RNF152: variants seen among roughly 807,000 people sequenced by gnomAD.
RNF152 encodes the protein E3 ubiquitin-protein ligase RNF152.
A neutral mutation model predicts 12.7 loss-of-function variants in RNF152; 11 were observed. The observed-to-expected ratio is 0.86, with a 90% confidence interval of 0.54 to 1.43. RNF152 has a LOEUF of 1.43. RNF152 is among the 40% of genes most tolerant of loss of function. RNF152 has a pLI of 0.00. For missense variants in RNF152, 255 were observed against 274.8 expected, an observed-to-expected ratio of 0.93 and a Z score of 0.51; for synonymous variants, 113 against 120.3, an observed-to-expected ratio of 0.94 and a Z score of 0.40.
rs762167768 is a variant in RNF152 at position 61,815,112 on chromosome 18, C to T, written c.*740G>A. ...TTTTGTGAGATGGCTTGAGGAAAAT[C>T]GGCATACAGGTTTTCCCATGGGATT... On this transcript the variant is annotated 3_prime_UTR_variant, in exon 2 of 2. Transcript: ENST00000312828. 5.2e-5 allele frequency: 8 copies of T among 152,540 alleles called. No individual in the cohort carries two copies. Among genetic ancestry groups the T allele is most frequent in the Non-Finnish European group, 1.0e-4 (7 of 68,034 alleles). 9.4% of individuals were successfully genotyped at this position (152,540 alleles called of 1,614,324 possible).
chr18:61,834,014 CTCAA>C (rs926817886), intron 1 of RNF152, among the ~76,000 whole-genome samples: 5 of 152,226 alleles, frequency 3.3e-5, no homozygotes, highest in African/African-American at 1.2e-4. Context: ...TCGTCATTCA[CTCAA>C]TCAACCATCC....
chr18:61,850,816 A>T (rs1309002876), intron 1 of RNF152, among the ~76,000 whole-genome samples: 1 of 152,178 alleles, frequency 6.6e-6, no homozygotes, highest in African/African-American at 2.4e-5. Flanking sequence ...CCTACCTTGC[A>T]GCCTCCCCCT....
Position 61,821,471 on chromosome 18 carries a change from A to G in RNF152, c.-135-4873T>C, listed in dbSNP as rs139398704. 6.4e-4 allele frequency among the ~76,000 whole-genome samples: 98 copies of G among 152,344 alleles called. No individual in the cohort carries two copies. The East Asian group carries it at 0.015, about 24-fold the overall frequency. On this transcript the variant is annotated intron_variant, in intron 1 of 1. Coordinates refer to ENST00000312828, the MANE Select transcript of RNF152 (RefSeq NM_173557.3). Reference sequence around the variant, plus strand: ...GGAAATTTATGAGGCTATGGAGTGAAGCTAATGATGGATCATTCTTTCCCC... The same window carrying G: ...GGAAATTTATGAGGCTATGGAGTGAGGCTAATGATGGATCATTCTTTCCCC...
At chr18:61,819,018 G>A (rs1329737161) in intron 1 of RNF152, among the ~76,000 whole-genome samples, 1 of 152,196 alleles carries the variant, frequency 6.6e-6, no homozygotes, top group Non-Finnish European at 1.5e-5. Flanking sequence ...CAGGGGACAG[G>A]CTATTTTCAG....
intron 1 of RNF152, among the ~76,000 whole-genome samples, chr18:61,877,370 T>C (rs952582115): frequency 6.6e-6 from 1 of 152,212 alleles, no homozygotes; most frequent in African/African-American, 2.4e-5. Context: ...TAAGAGTCCA[T>C]TTCAAAGACT....
At chr18:61,878,008 C>A (rs902965842) in intron 1 of RNF152, among the ~76,000 whole-genome samples, 1 of 152,168 alleles carries the variant, frequency 6.6e-6, no homozygotes, top group African/African-American at 2.4e-5. Flanking sequence ...TCTGCCATAT[C>A]CTAGGACTTC....
chr18:61,829,487 G>A (rs1345407760), intron 1 of RNF152, among the ~76,000 whole-genome samples: 1 of 151,482 alleles, frequency 6.6e-6, no homozygotes, highest in Non-Finnish European at 1.5e-5. Context: ...AGGGAGAGAG[G>A]AGAGAGGGGA....
At chr18:61,847,793 C>T (rs943423507) in intron 1 of RNF152, among the ~76,000 whole-genome samples, 11 of 152,112 alleles carry the variant, frequency 7.2e-5, no homozygotes, top group African/African-American at 2.4e-4. Context: ...CCCCTTCAGT[C>T]AATGGCCTGG....
At position 61,813,278 on chromosome 18, in the gene RNF152, TCA is replaced by T. The variant is rs58772361; in HGVS notation, c.*2572_*2573del. On this transcript the variant is annotated 3_prime_UTR_variant, in exon 2 of 2. Transcript: ENST00000312828. ...GAGATTCTCTCTCTCTCTCTCTCTC[TCA>T]CACACACACACACACACACACACAC... is the stretch of plus-strand genomic sequence containing the variant. 6,486 of 116,894 alleles carry T rather than the reference TCA, an allele frequency of 0.055. 357 individuals carry two copies. The highest frequency in any genetic ancestry group is 0.16 in the African/African-American group (5,184 of 32,234). 7.2% of individuals were successfully genotyped at this position (116,894 alleles called of 1,614,324 possible).
At chr18:61,850,251 C>T (rs1910910489) in intron 1 of RNF152, among the ~76,000 whole-genome samples, 1 of 152,228 alleles carries the variant, frequency 6.6e-6, no homozygotes, top group Admixed American at 6.5e-5. Flanking sequence ...GAAAGCACGA[C>T]CTCATACAGT....
chr18:61,857,088 G>T (rs1052950028), intron 1 of RNF152, among the ~76,000 whole-genome samples: 1 of 152,122 alleles, frequency 6.6e-6, no homozygotes, highest in Non-Finnish European at 1.5e-5. Context: ...ACAGGCAGGG[G>T]AACAGGCATA....
intron 1 of RNF152, among the ~76,000 whole-genome samples, chr18:61,824,069 T>C (rs1909544878): frequency 6.6e-6 from 1 of 152,236 alleles, no homozygotes; most frequent in Non-Finnish European, 1.5e-5. Context: ...TGATGATGCA[T>C]ATTTAAAAAT....
intron 1 of RNF152, chr18:61,875,070 G>C (rs1361956191): frequency 6.6e-6 from 1 of 152,242 alleles, no homozygotes; most frequent in Admixed American, 6.5e-5. Flanking sequence ...TTTCCAGTTG[G>C]AATCAGGGAT....
chr18:61,843,115 C>T (rs903976124), intron 1 of RNF152, among the ~76,000 whole-genome samples: 1 of 152,180 alleles, frequency 6.6e-6, no homozygotes, highest in African/African-American at 2.4e-5. Context: ...ATTTGACAAC[C>T]TGCTCTGTGG....
chr18:61,837,520 G>C (rs1386094461), intron 1 of RNF152, among the ~76,000 whole-genome samples: 1 of 152,290 alleles, frequency 6.6e-6, no homozygotes, highest in African/African-American at 2.4e-5. Context: ...TGCTGACTTT[G>C]TACCAGTCTC....
chr18:61,871,323 A>G (rs1347784171), intron 1 of RNF152, among the ~76,000 whole-genome samples: 4 of 151,996 alleles, frequency 2.6e-5, no homozygotes, highest in Non-Finnish European at 5.9e-5. Flanking sequence ...TTCCCACCTT[A>G]GACTACTATT....
chr18:61,853,339 G>A (rs894439789), intron 1 of RNF152, among the ~76,000 whole-genome samples: 5 of 149,608 alleles, frequency 3.3e-5, no homozygotes, highest in African/African-American at 1.2e-4. Context: ...CCAGGCTGGA[G>A]TGTAATGGCA....
intron 1 of RNF152, chr18:61,888,832 G>A (rs959055279): frequency 9.2e-5 from 14 of 152,124 alleles, no homozygotes; most frequent in Admixed American, 5.9e-4. Flanking sequence ...CTTCCTTTCC[G>A]GTTTCCATGA....
chr18:61,879,831 G>A (rs1461821498), intron 1 of RNF152, among the ~76,000 whole-genome samples: 1 of 151,970 alleles, frequency 6.6e-6, no homozygotes, highest in Non-Finnish European at 1.5e-5. Context: ...CAGGTGTGGT[G>A]GCGCACGCCT....
Sources: gnomAD v4.1 joint callset for allele counts (sites outside exome capture counted in the v4.1 genomes callset) on GRCh38, gnomAD v4.1.1 for gene constraint, MANE v1.5 for transcripts, NCBI Gene and HGNC (gene_info 2026-07-23, HGNC 2026-07-21) for gene names.